VMA22: variants seen among roughly 807,000 people sequenced by gnomAD.
VMA22 encodes the protein vacuolar ATPase assembly factor VMA22.
chr2:130,342,584 A>G, the VMA22 span: 1 of 457,932 alleles, frequency 2.2e-6, no homozygotes, highest in South Asian at 3.6e-5. Context: ...GCTAATTATG[A>G]TTGTTTTAGC....
the VMA22 span, chr2:130,342,367 T>C: frequency 8.7e-6 from 6 of 689,790 alleles, no homozygotes; most frequent in Non-Finnish European, 1.4e-5. Flanking sequence ...CCTGCTGAAC[T>C]GTCGGCTAGG....
the VMA22 span, chr2:130,338,885 G>A: frequency 3.8e-6 from 2 of 526,654 alleles, no homozygotes; most frequent in Non-Finnish European, 6.9e-6. Flanking sequence ...ATGTGAGTGT[G>A]TCCTATGGGA....
chr2:130,342,650 T>A, the VMA22 span: 4 of 491,344 alleles, frequency 8.1e-6, no homozygotes, highest in Admixed American at 3.5e-5. Context: ...AGGACGAGGA[T>A]GGAGAAGCCT....
chr2:130,342,385 G>A, the VMA22 span: 62 of 612,034 alleles, frequency 1.0e-4, no homozygotes, highest in African/African-American at 9.6e-4. Flanking sequence ...AGGGTTATAG[G>A]TGGTTCTGAG....
chr2:130,340,358 G>C, the VMA22 span: 1 of 179,006 alleles, frequency 5.6e-6, no homozygotes, highest in Admixed American at 5.4e-5. Flanking sequence ...ACCATCCTCT[G>C]CTCAGAGCCT....
the VMA22 span, chr2:130,341,000 G>A: frequency 1.4e-5 from 22 of 1,612,554 alleles, no homozygotes; most frequent in East Asian, 6.7e-5. Context: ...AGAGGACTCC[G>A]GTTCTGGGGT....
the VMA22 span, chr2:130,339,012 G>T: frequency 1.3e-6 from 1 of 760,912 alleles, no homozygotes; most frequent in Non-Finnish European, 2.2e-6. Context: ...AGGGGCATTA[G>T]CTGGCGTGGG....
chr2:130,341,755 GGAC>G, the VMA22 span: 1 of 1,610,752 alleles, frequency 6.2e-7, no homozygotes, highest in Non-Finnish European at 8.5e-7. Flanking sequence ...CCTCGCTGAA[GGAC>G]GAGAAGGGAG....
At chr2:130,342,151 C>A in the VMA22 span, 1 of 1,611,724 alleles carries the variant, frequency 6.2e-7, no homozygotes, top group Non-Finnish European at 8.5e-7. Flanking sequence ...TCTGGAGCCA[C>A]CTTCTTCCTT....
the VMA22 span, chr2:130,339,233 C>G: frequency 6.2e-7 from 1 of 1,613,418 alleles, no homozygotes; most frequent in Non-Finnish European, 8.5e-7. Flanking sequence ...AGCTGCAGGC[C>G]TGGAGGAAAG....
chr2:130,339,278 C>T, the VMA22 span: 69 of 1,548,580 alleles, frequency 4.5e-5, no homozygotes, highest in African/African-American at 8.2e-5. Context: ...TAGTGTAACA[C>T]ACGACCCAGG....
At chr2:130,342,445 T>C in the VMA22 span, 3 of 552,788 alleles carry the variant, frequency 5.4e-6, no homozygotes, top group Non-Finnish European at 9.6e-6. Context: ...GTTGTGGCGA[T>C]GGAAGAAGGC....
chr2:130,341,608 A>T, the VMA22 span: 1 of 1,372,632 alleles, frequency 7.3e-7, no homozygotes, highest in Non-Finnish European at 1.0e-6. Context: ...TCATCTCCAT[A>T]ATTTGCATTT....
the VMA22 span, chr2:130,338,526 A>T: frequency 6.6e-6 from 1 of 152,264 alleles, no homozygotes; most frequent in South Asian, 2.1e-4. Context: ...AGAGAGGCTC[A>T]GCCTCTTATG....
the VMA22 span, chr2:130,338,655 C>T: frequency 6.4e-6 from 1 of 155,506 alleles, no homozygotes; most frequent in Non-Finnish European, 1.4e-5. Context: ...CCCAGCTACT[C>T]AGGTGTTTGT....
At chr2:130,341,016 T>A in the VMA22 span, 1 of 1,611,744 alleles carries the variant, frequency 6.2e-7, no homozygotes, top group Non-Finnish European at 8.5e-7. Flanking sequence ...GGGGTCTTAG[T>A]GGGGCCCTTG....
the VMA22 span, chr2:130,342,574 G>T: frequency 6.5e-6 from 3 of 458,894 alleles, no homozygotes; most frequent in Admixed American, 3.8e-5. Flanking sequence ...GTTTCCAGCC[G>T]CTAATTATGA....
the VMA22 span, chr2:130,342,243 C>G: frequency 1.3e-6 from 2 of 1,545,026 alleles, no homozygotes; most frequent in East Asian, 4.9e-5. Context: ...GGGATCCCCA[C>G]GCCGGCAGCA....
At chr2:130,339,067 G>A in the VMA22 span, 264 of 1,377,308 alleles carry the variant, frequency 1.9e-4, 1 homozygote, top group Non-Finnish European at 2.5e-4. Context: ...CTGAGATCAC[G>A]TAGCCATGTC....
Sources: gnomAD v4.1 joint callset for allele counts on GRCh38, gnomAD v4.1.1 for gene constraint, MANE v1.5 for transcripts, NCBI Gene and HGNC (gene_info 2026-07-23, HGNC 2026-07-21) for gene names.